The following TMED3 variants were observed in gnomAD, a reference collection of about 807,000 sequenced individuals.
TMED3 encodes transmembrane emp24 domain-containing protein 3.
A neutral mutation model predicts 15.0 loss-of-function variants in TMED3; 9 were observed. The ratio of observed to expected loss-of-function variants is 0.60; its 90% CI spans 0.36 to 1.04. The LOEUF (loss-of-function observed/expected upper bound fraction) is 1.04, where lower values mean the gene tolerates loss of function less well. Ranked by LOEUF, TMED3 falls within the 50% of genes least tolerant of loss-of-function variation. The pLI is 0.01. For synonymous variants in TMED3, 117 were observed against 121.4 expected (o/e 0.96, Z 0.24); for missense variants, 267 against 278.9 (o/e 0.96, Z 0.30).
At chr15:79,377,893 G>A (rs575532778) in intron 2 of TMED3, among the ~76,000 whole-genome samples, 137 of 152,220 alleles carry the variant, frequency 9.0e-4, no homozygotes, top group Non-Finnish European at 1.4e-3. Flanking sequence ...TGATCCGCCC[G>A]CCTTGGCCTC....
chr15:79,392,775 ATTTTC>A (rs1893713425), intron 2 of TMED3, among the ~76,000 whole-genome samples: 1 of 152,172 alleles, frequency 6.6e-6, no homozygotes, highest in Admixed American at 6.5e-5. Flanking sequence ...TTCAGGTAAC[ATTTTC>A]TTTTCTTCTA....
At chr15:79,360,023 A>T (rs955812093) in intron 2 of TMED3, among the ~76,000 whole-genome samples, 18 of 152,152 alleles carry the variant, frequency 1.2e-4, no homozygotes, top group Non-Finnish European at 8.8e-5. Flanking sequence ...GTTACCCAAA[A>T]CCTTTAGCAA....
intron 2 of TMED3, among the ~76,000 whole-genome samples, chr15:79,406,020 G>A (rs533332693): frequency 2.0e-5 from 3 of 152,302 alleles, no homozygotes; most frequent in Non-Finnish European, 2.9e-5. Flanking sequence ...CTGGCATAGC[G>A]GTTGCAACTG....
intron 2 of TMED3, among the ~76,000 whole-genome samples, chr15:79,339,557 G>A (rs1462879572): frequency 1.3e-5 from 2 of 152,122 alleles, no homozygotes; most frequent in Non-Finnish European, 2.9e-5. Flanking sequence ...CCACAGTGTC[G>A]GATAGCTCCA....
At chr15:79,347,128 C>T (rs1470607851) in intron 2 of TMED3, among the ~76,000 whole-genome samples, 2 of 152,080 alleles carry the variant, frequency 1.3e-5, no homozygotes, top group African/African-American at 2.4e-5. Flanking sequence ...CAAAAATCCT[C>T]AACAAAATAC....
intron 2 of TMED3, among the ~76,000 whole-genome samples, chr15:79,363,222 A>G (rs1028651629): frequency 6.6e-6 from 1 of 152,194 alleles, no homozygotes; most frequent in Non-Finnish European, 1.5e-5. Context: ...TGTTTAAAAA[A>G]CTGCACACAA....
chr15:79,376,906 C>A (rs1178638254), intron 2 of TMED3, among the ~76,000 whole-genome samples: 1 of 151,996 alleles, frequency 6.6e-6, no homozygotes, highest in African/African-American at 2.4e-5. Flanking sequence ...GTAACAAGGC[C>A]AGTTCAGGTA....
At chr15:79,338,527 A>G (rs2058836035) in intron 2 of TMED3, among the ~76,000 whole-genome samples, 2 of 152,360 alleles carry the variant, frequency 1.3e-5, no homozygotes, top group South Asian at 4.1e-4. Context: ...GAGACCGAGG[A>G]CACGAGCTGT....
intron 2 of TMED3, among the ~76,000 whole-genome samples, chr15:79,320,791 G>T (rs761797418): frequency 6.6e-6 from 1 of 152,102 alleles, no homozygotes; most frequent in Non-Finnish European, 1.5e-5. Flanking sequence ...ACTTATTACC[G>T]CACAGCTCTG....
At chr15:79,412,639 A>G (rs1017869916) in exon 3 of TMED3, 1 of 152,648 alleles carries the variant, frequency 6.6e-6, no homozygotes, top group African/African-American at 2.4e-5. Flanking sequence ...TGCTGCCTCC[A>G]CTGCTGCTGC....
chr15:79,371,598 A>G (rs565720005), intron 2 of TMED3, among the ~76,000 whole-genome samples: 8 of 152,318 alleles, frequency 5.3e-5, no homozygotes, highest in African/African-American at 1.7e-4. Flanking sequence ...GGGTTAGGGA[A>G]CTGAAACCAT....
chr15:79,389,642 T>C (rs7161918), intron 2 of TMED3, among the ~76,000 whole-genome samples: 59,074 of 151,938 alleles, frequency 0.39, 12,019 homozygotes, highest in East Asian at 0.6. Context: ...ATGGTGGTAT[T>C]TTAATGGGGA....
In TMED3 at chr15:79,322,253, T is replaced by A; in HGVS notation, c.*39T>A. ...CTCTAGGGCCCCTCATGCCCCAGGC[T>A]GGAGCAGCTCTCCTAGGTCACAGCC... On this transcript the variant is annotated 3_prime_UTR_variant, in exon 3 of 3. Transcript: ENST00000299705. 3 of 1,588,606 alleles carry A rather than the reference T, an allele frequency of 1.9e-6. No homozygotes were observed. Among genetic ancestry groups the A allele is most frequent in the Non-Finnish European group, 2.6e-6 (3 of 1,165,940 alleles).
chr15:79,345,740 A>G (rs2058868662), intron 2 of TMED3, among the ~76,000 whole-genome samples: 1 of 152,220 alleles, frequency 6.6e-6, no homozygotes, highest in South Asian at 2.1e-4. Context: ...GTCTTCCACA[A>G]TGGTTGAACT....
intron 2 of TMED3, among the ~76,000 whole-genome samples, chr15:79,359,187 C>T (rs1893075215): frequency 6.6e-6 from 1 of 150,446 alleles, no homozygotes; most frequent in Non-Finnish European, 1.5e-5. Flanking sequence ...TGCTTATTTG[C>T]ATACCAGAGG....
intron 2 of TMED3, among the ~76,000 whole-genome samples, chr15:79,401,296 A>G (rs910228318): frequency 6.6e-6 from 1 of 152,158 alleles, no homozygotes; most frequent in Non-Finnish European, 1.5e-5. Context: ...TCTGGCATGT[A>G]GCAGCTGCTT....
At position 79,334,271 on chromosome 15, in the gene TMED3, T is replaced by C. The variant is rs1418762007; in HGVS notation, c.417+20266T>C. On this transcript the variant is annotated intron_variant, in intron 2 of 2. Transcript: ENST00000424155. The stretch of plus-strand genomic sequence containing the variant: ...AGAGTGGCTGTCAAATGCAGTGATA[T>C]TTGAACTAAAGGGAAGGAGAGGACT... 2.6e-5 allele frequency among the ~76,000 whole-genome samples: 4 copies of C among 152,126 alleles called. No homozygotes were observed. The South Asian group carries it at 8.3e-4, about 32-fold the overall frequency.
chr15:79,334,514 C>CG (rs1158318340), intron 2 of TMED3, among the ~76,000 whole-genome samples: 1 of 151,784 alleles, frequency 6.6e-6, no homozygotes, highest in Non-Finnish European at 1.5e-5. Context: ...AAGGAAGGGT[C>CG]GGGGGGAGCT....
intron 2 of TMED3, among the ~76,000 whole-genome samples, chr15:79,349,306 G>A (rs764503536): frequency 6.6e-6 from 1 of 151,990 alleles, no homozygotes; most frequent in Non-Finnish European, 1.5e-5. Context: ...ACATCATATG[G>A]TGCATGATAA....
Sources: allele counts gnomAD v4.1 joint callset (sites outside exome capture counted in the v4.1 genomes callset), GRCh38; gene constraint gnomAD v4.1.1; transcripts MANE v1.5; gene names NCBI Gene and HGNC (gene_info 2026-07-23, HGNC 2026-07-21).